Variants in FTO observed in about 807,000 individuals in gnomAD.
FTO encodes the protein FTO alpha-ketoglutarate dependent dioxygenase, also known as alpha-ketoglutarate-dependent dioxygenase FTO.
FTO carries 47 observed loss-of-function variants against 63.9 expected under a neutral mutation model. The observed-to-expected ratio is 0.74, with a 90% CI of 0.58 to 0.94. FTO has a LOEUF of 0.94. FTO is among the 40% of genes least tolerant of loss of function. FTO has a pLI of 0.00. For missense variants in FTO, 562 were observed against 618.1 expected, an observed-to-expected ratio of 0.91 and a Z score of 0.96; for synonymous variants, 207 against 224.4, an observed-to-expected ratio of 0.92 and a Z score of 0.69.
chr16:54,032,347 A>G (rs1201912582), intron 8 of FTO, among the ~76,000 whole-genome samples: 1 of 152,248 alleles, frequency 6.6e-6, no homozygotes, highest in East Asian at 1.9e-4. Flanking sequence ...TATCAAACCC[A>G]GAAACAAGTG....
At chr16:53,909,761 A>G (rs2081638571) in intron 7 of FTO, among the ~76,000 whole-genome samples, 2 of 151,708 alleles carry the variant, frequency 1.3e-5, no homozygotes, top group Admixed American at 1.3e-4. Context: ...ACAGGGTTTC[A>G]CCATGTTGGC....
chr16:53,706,999 AG>A (rs2075639061), intron 1 of FTO, among the ~76,000 whole-genome samples: 2 of 152,172 alleles, frequency 1.3e-5, no homozygotes, highest in Non-Finnish European at 2.9e-5. Context: ...GCTTAGTTAT[AG>A]GGGAGTTCTT....
At chr16:53,875,406 G>A (rs1046557450) in intron 5 of FTO, among the ~76,000 whole-genome samples, 60 of 152,160 alleles carry the variant, frequency 3.9e-4, no homozygotes, top group Non-Finnish European at 1.8e-4. Flanking sequence ...GTACCTAATC[G>A]TAGTGTTCTT....
chr16:53,883,148 T>C (rs1412836542), intron 6 of FTO, among the ~76,000 whole-genome samples: 1 of 152,136 alleles, frequency 6.6e-6, no homozygotes, highest in African/African-American at 2.4e-5. Context: ...TCGCAAAAAA[T>C]CTCACAATTT....
At chr16:54,063,356 CT>C (rs1439862921) in intron 8 of FTO, among the ~76,000 whole-genome samples, 1 of 152,160 alleles carries the variant, frequency 6.6e-6, no homozygotes, top group East Asian at 1.9e-4. Context: ...TGGAAATCTG[CT>C]TTTCGTCAAT....
At chr16:53,873,489 T>A (rs1473587474) in intron 4 of FTO, among the ~76,000 whole-genome samples, 1 of 149,370 alleles carries the variant, frequency 6.7e-6, no homozygotes, top group Non-Finnish European at 1.5e-5. Flanking sequence ...TATGTATAAG[T>A]ATATATAAGT....
chr16:53,909,980 C>T (rs1007828164), intron 7 of FTO, among the ~76,000 whole-genome samples: 24 of 152,176 alleles, frequency 1.6e-4, no homozygotes, highest in South Asian at 6.2e-4. Context: ...TGGGCTCAAG[C>T]GCTCCTCCTG....
At chr16:53,868,501 T>G (rs989653129) in intron 4 of FTO, among the ~76,000 whole-genome samples, 12 of 152,136 alleles carry the variant, frequency 7.9e-5, no homozygotes, top group African/African-American at 2.7e-4. Flanking sequence ...TCTCATCTCT[T>G]ATACTCATTG....
chr16:53,722,149 T>C (rs2076054704), intron 1 of FTO, among the ~76,000 whole-genome samples: 1 of 152,232 alleles, frequency 6.6e-6, no homozygotes, highest in Admixed American at 6.5e-5. Flanking sequence ...CTTTATTTCC[T>C]GTGTCAAAAA....
At chr16:54,057,579 T>A (rs1274717790) in intron 8 of FTO, among the ~76,000 whole-genome samples, 2 of 151,882 alleles carry the variant, frequency 1.3e-5, no homozygotes, top group African/African-American at 4.8e-5. Flanking sequence ...TTCTCCCACC[T>A]CAGCATCCCG....
intron 8 of FTO, among the ~76,000 whole-genome samples, chr16:54,109,330 TTTCTTC>T (rs1414769704): frequency 1.3e-5 from 2 of 152,068 alleles, no homozygotes; most frequent in Admixed American, 6.5e-5. Context: ...TCTTTGTTTT[TTTCTTC>T]TTCTTCTTCT....
chr16:53,729,433 G>C (rs1425976630), intron 1 of FTO, among the ~76,000 whole-genome samples: 2 of 151,876 alleles, frequency 1.3e-5, no homozygotes, highest in African/African-American at 4.8e-5. Flanking sequence ...GGCAGAGGCA[G>C]GCTTGAACCT....
chr16:53,828,459 G>A lies in FTO; in HGVS notation c.751+1968G>A, dbSNP rs534520314. Among the ~76,000 whole-genome samples, 39 of 152,076 alleles carry A rather than the reference G, an allele frequency of 2.6e-4. No individual in the cohort carries two copies. The East Asian group carries it at 7.3e-3, about 29-fold the overall frequency. Reference sequence around the variant, plus strand: ...TCTGATCTCATGATCCGCCCACCTCGGCCTCCCAAAGTGCTGGGATTACAG... The same window carrying A: ...TCTGATCTCATGATCCGCCCACCTCAGCCTCCCAAAGTGCTGGGATTACAG... On this transcript the variant is annotated intron_variant, in intron 3 of 8. Transcript: ENST00000471389.
In FTO at chr16:53,724,263, A is replaced by G. The variant is rs777293794; in HGVS notation, c.45+20034A>G. On this transcript the variant is annotated intron_variant, in intron 1 of 8. Coordinates refer to ENST00000471389, the MANE Select transcript of FTO (RefSeq NM_001080432.3). The stretch of plus-strand genomic sequence containing the variant: ...ATGAATAATGTCTGAAAAATAGGGT[A>G]TCTTGGCTGTATTCCTTACAGATGA... Among the ~76,000 whole-genome samples the G allele has an allele frequency of 2.0e-5, 3 of 152,218 alleles. 1 individual carries two copies. In the East Asian group the frequency reaches 5.8e-4, roughly 29 times the overall value.
chr16:53,889,308 G>T (rs1555489677), intron 7 of FTO, among the ~76,000 whole-genome samples: 1 of 152,120 alleles, frequency 6.6e-6, no homozygotes, highest in Non-Finnish European at 1.5e-5. Context: ...GCAATGCTAA[G>T]AGGTATAGAA....
chr16:53,838,906 A>G (rs1310646547), intron 3 of FTO, among the ~76,000 whole-genome samples: 1 of 152,148 alleles, frequency 6.6e-6, no homozygotes, highest in Non-Finnish European at 1.5e-5. Context: ...CTGTGAGGGA[A>G]GTTCTTGACA....
At chr16:53,796,758 T>A (rs900753048) in intron 1 of FTO, among the ~76,000 whole-genome samples, 24 of 152,214 alleles carry the variant, frequency 1.6e-4, no homozygotes, top group African/African-American at 5.5e-4. Flanking sequence ...CAAATTTAAG[T>A]AATCCTTACT....
intron 4 of FTO, among the ~76,000 whole-genome samples, chr16:53,866,533 A>T (rs1458286492): frequency 6.6e-6 from 1 of 152,128 alleles, no homozygotes; most frequent in Non-Finnish European, 1.5e-5. Flanking sequence ...TTAATTATTG[A>T]TTCAATTTCT....
chr16:53,987,666 C>T (rs374251413), intron 8 of FTO, among the ~76,000 whole-genome samples: 196 of 152,054 alleles, frequency 1.3e-3, no homozygotes, highest in African/African-American at 4.6e-3. Context: ...GAAATACACC[C>T]ATCCTCCCAT....
Sources: gnomAD v4.1 joint callset for allele counts (sites outside exome capture counted in the v4.1 genomes callset) on GRCh38, gnomAD v4.1.1 for gene constraint, MANE v1.5 for transcripts, NCBI Gene and HGNC (gene_info 2026-07-23, HGNC 2026-07-21) for gene names.